FHIP1A: variants seen among roughly 807,000 people sequenced by gnomAD.
FHIP1A encodes FHF complex subunit HOOK interacting protein 1A, also known as FHF complex subunit HOOK-interacting protein 1A.
In FHIP1A, 61 loss-of-function variants were observed where a neutral mutation model predicts 88.6. That is an observed-to-expected ratio of 0.69 (90% CI 0.56 to 0.85). The LOEUF (loss-of-function observed/expected upper bound fraction) is 0.85. FHIP1A is among the 40% of genes least tolerant of loss of function. FHIP1A has a pLI of 0.00. For synonymous variants in FHIP1A, 478 were observed against 496.0 expected, an observed-to-expected ratio of 0.96 and a Z score of 0.48; for missense variants, 1,154 against 1,273.5, an observed-to-expected ratio of 0.91 and a Z score of 1.43.
intron 7 of FHIP1A, among the ~76,000 whole-genome samples, chr4:151,614,787 C>G (rs1263731237): frequency 6.6e-6 from 1 of 152,178 alleles, no homozygotes; most frequent in Non-Finnish European, 1.5e-5. Flanking sequence ...TAATGCTTCT[C>G]TGAGTGGCAG....
intron 3 of FHIP1A, among the ~76,000 whole-genome samples, chr4:151,519,348 TC>T (rs1163461203): frequency 1.3e-5 from 2 of 152,210 alleles, no homozygotes; most frequent in African/African-American, 2.4e-5. Context: ...AATATGTACT[TC>T]TTTATGTGGT....
chr4:151,417,570 G>A (rs1182216068), intron 1 of FHIP1A, among the ~76,000 whole-genome samples: 1 of 152,176 alleles, frequency 6.6e-6, no homozygotes, highest in African/African-American at 2.4e-5. Flanking sequence ...GGGTTGCAAA[G>A]GGAATAGCCT....
chr4:151,609,764 A>G (rs779043613), intron 7 of FHIP1A, among the ~76,000 whole-genome samples: 2 of 152,200 alleles, frequency 1.3e-5, no homozygotes, highest in Admixed American at 6.5e-5. Flanking sequence ...CTCATTTTGC[A>G]TAATCACACA....
At chr4:151,526,551 T>A (rs1731656701) in intron 3 of FHIP1A, among the ~76,000 whole-genome samples, 1 of 122,260 alleles carries the variant, frequency 8.2e-6, no homozygotes, top group African/African-American at 3.1e-5. Flanking sequence ...CACTTCCCAG[T>A]AGGGGCGGCC....
rs1230458602 is a variant in FHIP1A, at chr4:151,666,215, G to A, written c.*3461G>A. Among the ~76,000 whole-genome samples the A allele has an allele frequency of 6.6e-6, 1 of 152,202 alleles. No homozygotes were observed. Among genetic ancestry groups the A allele is most frequent in the East Asian group, 1.9e-4 (1 of 5,202 alleles). ...AGCCTAAAACATAATTTCATGGGTG[G>A]TAAAATACAATTTCCCAACCATGAA... is the stretch of plus-strand genomic sequence containing the variant. On this transcript the variant is annotated 3_prime_UTR_variant, in exon 14 of 14. Transcript: ENST00000435205.
chr4:151,541,566 G>A (rs1302192673), intron 3 of FHIP1A, among the ~76,000 whole-genome samples: 1 of 152,190 alleles, frequency 6.6e-6, no homozygotes, highest in Non-Finnish European at 1.5e-5. Context: ...TTGAAGGATA[G>A]GCTTTTATGC....
chr4:151,649,490 C>T lies in FHIP1A; in HGVS notation c.1449C>T (p.Phe483=), dbSNP rs181358812. ...TGGAGCGGCCATTCCCCGAAGCGTTCTCCGAGTCAGCCTGCATTGTGGAGT... is the reference window on the plus strand; with the variant it reads ...TGGAGCGGCCATTCCCCGAAGCGTTTTCCGAGTCAGCCTGCATTGTGGAGT... The part of the protein sequence containing the change: ...GPVERPFPEA[F]SESACIVEYG... Residue 483 remains phenylalanine, a synonymous_variant, in exon 11 of 14, where the codon TTC becomes TTT. Transcript: ENST00000435205. The T allele has an allele frequency of 1.9e-6, 3 of 1,551,242 alleles. No homozygotes were observed. Among genetic ancestry groups the T allele is most frequent in the South Asian group, 2.4e-5 (2 of 83,932 alleles).
At chr4:151,434,583 C>G (rs1733729156) in intron 1 of FHIP1A, among the ~76,000 whole-genome samples, 1 of 152,106 alleles carries the variant, frequency 6.6e-6, no homozygotes, top group Admixed American at 6.6e-5. Context: ...TATTCATTCC[C>G]AGGTGTATGA....
rs888333308 is a variant in FHIP1A at position 151,510,253 on chromosome 4, T to C, written c.-123+27605T>C. On this transcript the variant is annotated intron_variant, in intron 3 of 13. Coordinates refer to ENST00000435205, the MANE Select transcript of FHIP1A (RefSeq NM_001109977.3). ...CTGAGTAGCTGGTACCACAGATGCA[T>C]GCCACTGTGCCCACTAATATTTTTT... is the stretch of plus-strand genomic sequence containing the variant. Among the ~76,000 whole-genome samples, 10 of 152,024 alleles carry C rather than the reference T, an allele frequency of 6.6e-5. No homozygotes were observed. In the South Asian group the frequency reaches 1.9e-3, roughly 28 times the overall value.
At chr4:151,594,170 G>A (rs374835894) in intron 7 of FHIP1A, among the ~76,000 whole-genome samples, 18 of 150,774 alleles carry the variant, frequency 1.2e-4, no homozygotes, top group South Asian at 6.3e-4. Context: ...TTGCCAGATC[G>A]ATGTTCATCA....
chr4:151,632,899 T>G (rs1377873466), intron 8 of FHIP1A, among the ~76,000 whole-genome samples: 3 of 151,896 alleles, frequency 2.0e-5, no homozygotes, highest in African/African-American at 4.8e-5. Flanking sequence ...ACAACCTAAC[T>G]ATACATCTTC....
chr4:151,650,783 T>G (rs1365500738), intron 11 of FHIP1A, among the ~76,000 whole-genome samples, 191 bp downstream of exon 11: 1 of 152,220 alleles, frequency 6.6e-6, no homozygotes. Context: ...TTATCTTATT[T>G]ATTTCTCAAG....
intron 11 of FHIP1A, among the ~76,000 whole-genome samples, chr4:151,654,515 A>T (rs1426178822): frequency 1.3e-5 from 2 of 152,154 alleles, no homozygotes; most frequent in Non-Finnish European, 1.5e-5. Flanking sequence ...CCACCTAAGT[A>T]TGTCTTAATT....
intron 3 of FHIP1A, among the ~76,000 whole-genome samples, chr4:151,504,898 G>A (rs1381644713): frequency 2.0e-5 from 3 of 152,178 alleles, no homozygotes; most frequent in Non-Finnish European, 2.9e-5. Flanking sequence ...GATTATAGGA[G>A]GGAGCCGCCG....
chr4:151,445,476 G>C (rs1449814024), intron 1 of FHIP1A, among the ~76,000 whole-genome samples: 1 of 151,976 alleles, frequency 6.6e-6, no homozygotes, highest in Non-Finnish European at 1.5e-5. Context: ...GGGGGGTGGA[G>C]GAGTGGGGAT....
chr4:151,578,680 A>C (rs1261808987), intron 5 of FHIP1A, among the ~76,000 whole-genome samples: 1 of 152,196 alleles, frequency 6.6e-6, no homozygotes, highest in Non-Finnish European at 1.5e-5. Context: ...TTTGGAAGAC[A>C]GTTTGGCAGT....
At position 151,666,440 on chromosome 4, in the gene FHIP1A, A is replaced by G. The variant is rs1401460913; in HGVS notation, c.*3686A>G. ...GCATTCGGTATTTTTATAGGTCATC[A>G]GGAGTACCCTTTCCTTAGCAGGTGG... is the stretch of plus-strand genomic sequence containing the variant. On this transcript the variant is annotated 3_prime_UTR_variant, in exon 14 of 14. Coordinates refer to ENST00000435205, the MANE Select transcript of FHIP1A (RefSeq NM_001109977.3). Among the ~76,000 whole-genome samples the G allele has an allele frequency of 1.3e-5, 2 of 152,194 alleles. No individual in the cohort carries two copies. Among genetic ancestry groups the G allele is most frequent in the South Asian group, 2.1e-4 (1 of 4,820 alleles).
intron 3 of FHIP1A, among the ~76,000 whole-genome samples, chr4:151,495,625 C>CT (rs11450043): frequency 0.51 from 69,104 of 134,988 alleles, 18,089 homozygotes; most frequent in Non-Finnish European, 0.54. Context: ...GCTATATATT[C>CT]TTTTTTTTTT....
chr4:151,547,406 A>G (rs1191936545), intron 3 of FHIP1A, among the ~76,000 whole-genome samples: 1 of 152,016 alleles, frequency 6.6e-6, no homozygotes, highest in Admixed American at 6.5e-5. Context: ...TTTCTTAAAC[A>G]CTCTTTTTTT....
Sources: allele counts gnomAD v4.1 joint callset (sites outside exome capture counted in the v4.1 genomes callset), GRCh38; gene constraint gnomAD v4.1.1; transcripts MANE v1.5; gene names NCBI Gene and HGNC (gene_info 2026-07-23, HGNC 2026-07-21).